The following HTRA3 variants were observed in gnomAD, a reference collection of about 807,000 sequenced individuals.
HTRA3 encodes the protein HtrA serine peptidase 3.
A neutral mutation model predicts 43.2 loss-of-function variants in HTRA3; 41 were observed. The ratio of observed to expected loss-of-function variants is 0.95; its 90% CI spans 0.74 to 1.23. The LOEUF is 1.23. HTRA3 is among the 50% of genes most tolerant of loss of function. The pLI, the probability that HTRA3 is intolerant of heterozygous loss-of-function variation, is 0.00. For missense variants in HTRA3, 628 were observed against 647.1 expected, an observed-to-expected ratio of 0.97 and a Z score of 0.32; for synonymous variants, 295 against 287.9, an observed-to-expected ratio of 1.02 and a Z score of -0.25.
Position 8,296,148 on chromosome 4 carries a change from T to C in HTRA3, c.1051+1947T>C, listed in dbSNP as rs1713445995. Reference sequence around the variant, plus strand: ...GCTGCTGTTTGCACACACTGAGCTGTGAGGTGGCTTTCCTTGGAAGTGGAT... The same window carrying C: ...GCTGCTGTTTGCACACACTGAGCTGCGAGGTGGCTTTCCTTGGAAGTGGAT... On this transcript the variant is annotated intron_variant, in intron 6 of 8. Transcript: ENST00000307358. The surrounding 1 kb of genome is among the most constrained non-coding windows in gnomAD (Gnocchi z 5.3). The C allele has an allele frequency of 2.0e-6, 2 of 992,208 alleles. No individual in the cohort carries two copies. Among genetic ancestry groups the C allele is most frequent in the South Asian group, 9.4e-5 (2 of 21,358 alleles). The allele number at this position is 992,208 out of a possible 1,614,324, so 61.5% of individuals were successfully genotyped here. A position where few individuals can be genotyped will look rare whatever the true frequency, so the allele number is the denominator to read the frequency against.
chr4:8,297,859 A>G lies in HTRA3; in HGVS notation c.1051+3658A>G, dbSNP rs956709395. ...GATGGACCCACCAATGTCCACAGGC[A>G]GTTCCCACTAAGAGCACCTGTCAAG... On this transcript the variant is annotated intron_variant, in intron 6 of 8. Transcript: ENST00000307358. This position sits in a 1 kb window ranked among gnomAD's most constrained non-coding sequence, Gnocchi z 5.8. Among the ~76,000 whole-genome samples, 1 of 152,084 alleles carries G rather than the reference A, an allele frequency of 6.6e-6. No individual in the cohort carries two copies. Among genetic ancestry groups the G allele is most frequent in the African/African-American group, 2.4e-5 (1 of 41,404 alleles).
In HTRA3 at chr4:8,294,112, C is replaced by T. The variant is rs151074010; in HGVS notation, c.962C>T (p.Thr321Met). 5.6e-4 allele frequency: 905 copies of T among 1,611,670 alleles called. No individual in the cohort carries two copies. The highest frequency in any genetic ancestry group is 6.9e-4 in the Non-Finnish European group (816 of 1,178,896). Residue 321 changes from threonine (T) to methionine (M), a missense_variant, in exon 6 of 9, where the codon ACG becomes ATG. Transcript: ENST00000307358. The part of the protein sequence containing the change: ...NLDGEVIGIN[T>M]LKVTAGISFA... ...GATGGCGAGGTCATTGGCATCAACA[C>T]GCTCAAGGTCACGGCTGGCATCTCC... is the stretch of plus-strand genomic sequence containing the variant.
intron 2 of HTRA3, among the ~76,000 whole-genome samples, chr4:8,285,307 C>A (rs537598353): frequency 3.3e-5 from 5 of 152,328 alleles, no homozygotes; most frequent in African/African-American, 1.2e-4. Flanking sequence ...TTGCAGGGTG[C>A]CCATGAGCAT....
intron 1 of HTRA3, 48 bp from the exon 2 acceptor site, chr4:8,282,389 G>T: frequency 1.4e-6 from 2 of 1,440,604 alleles, no homozygotes; most frequent in Non-Finnish European, 9.6e-7. Flanking sequence ...CTGGGAGCTG[G>T]CAGCATCGTG....
rs1713417647 is a variant in HTRA3 at position 8,295,349 on chromosome 4, C to G, written c.1051+1148C>G. On this transcript the variant is annotated intron_variant, in intron 6 of 8. Coordinates refer to ENST00000307358, the MANE Select transcript of HTRA3 (RefSeq NM_053044.5). The surrounding 1 kb of genome is among the most constrained non-coding windows in gnomAD (Gnocchi z 6.9). ...CCTCCTCCAAGCCCCCATTTCCTTGCCCCCATTTCCTCACCCCATCAAAAA... is the reference window on the plus strand; with the variant it reads ...CCTCCTCCAAGCCCCCATTTCCTTGGCCCCATTTCCTCACCCCATCAAAAA... Among the ~76,000 whole-genome samples the G allele has an allele frequency of 1.3e-5, 2 of 151,882 alleles. No homozygotes were observed.
chr4:8,270,811 G>A (rs1031833428), intron 1 of HTRA3, among the ~76,000 whole-genome samples: 2 of 152,182 alleles, frequency 1.3e-5, no homozygotes, highest in African/African-American at 2.4e-5. Context: ...TGTGGGAAGG[G>A]TCAGGGTGCA....
chr4:8,293,865 A>T (rs1000608318), intron 5 of HTRA3, among the ~76,000 whole-genome samples: 1 of 152,050 alleles, frequency 6.6e-6, no homozygotes, highest in Non-Finnish European at 1.5e-5. Context: ...TTCCCTGGAA[A>T]TACTCTCCAG....
chr4:8,282,386 C>G, intron 1 of HTRA3, 51 bp from the exon 2 acceptor site: 1 of 1,412,764 alleles, frequency 7.1e-7, no homozygotes, highest in Non-Finnish European at 9.8e-7. Context: ...CCTCTGGGAG[C>G]TGGCAGCATC....
At chr4:8,272,062 G>C (rs945466163) in intron 1 of HTRA3, among the ~76,000 whole-genome samples, 13 of 152,270 alleles carry the variant, frequency 8.5e-5, no homozygotes, top group African/African-American at 3.1e-4. Flanking sequence ...GGGCCTGCCC[G>C]TTGCAGCCCA....
At chr4:8,274,765 A>G (rs569393779) in intron 1 of HTRA3, among the ~76,000 whole-genome samples, 1 of 152,358 alleles carries the variant, frequency 6.6e-6, no homozygotes, top group Admixed American at 6.5e-5. Context: ...GAGGCCATGC[A>G]GCCTCTCCTC....
rs933225641 is a variant in HTRA3, at chr4:8,295,292, G to A, written c.1051+1091G>A. ...GTAGAATATCCTCTATGCCAGGGGA[G>A]CAGAGTCCAATACCTCGTCTTTGGA... is the stretch of plus-strand genomic sequence containing the variant. On this transcript the variant is annotated intron_variant, in intron 6 of 8. Transcript: ENST00000307358. The surrounding 1 kb of genome is among the most constrained non-coding windows in gnomAD (Gnocchi z 6.9). Among the ~76,000 whole-genome samples, 6 of 152,104 alleles carry A rather than the reference G, an allele frequency of 3.9e-5. No individual in the cohort carries two copies. Among genetic ancestry groups the A allele is most frequent in the African/African-American group, 1.4e-4 (6 of 41,404 alleles).
At chr4:8,292,875 C>T (rs2153006206) in intron 5 of HTRA3, among the ~76,000 whole-genome samples, 1 of 152,310 alleles carries the variant, frequency 6.6e-6, no homozygotes, top group African/African-American at 2.4e-5. Flanking sequence ...CAGATGTGAA[C>T]AAGCCCAAGC....
intron 5 of HTRA3, among the ~76,000 whole-genome samples, chr4:8,293,223 C>T (rs1315161459): frequency 2.0e-5 from 3 of 152,140 alleles, no homozygotes; most frequent in Non-Finnish European, 2.9e-5. Flanking sequence ...GAGGCCGTGC[C>T]CTGGTTTCAA....
chr4:8,274,454 C>G (rs55800449), intron 1 of HTRA3, among the ~76,000 whole-genome samples: 1 of 152,232 alleles, frequency 6.6e-6, no homozygotes, highest in Admixed American at 6.5e-5. Flanking sequence ...CCTCCAGGCT[C>G]GAAGCCTCGC....
intron 1 of HTRA3, among the ~76,000 whole-genome samples, chr4:8,271,526 GT>G (rs1255615403): frequency 3.9e-5 from 6 of 152,212 alleles, no homozygotes; most frequent in Non-Finnish European, 2.9e-5. Flanking sequence ...CCACCGCAGG[GT>G]TTGGCGGGGA....
rs768709210 is a variant in HTRA3 at position 8,286,783 on chromosome 4, GGTGGGTGGGC to G, written c.708+9_708+18del. The G allele has an allele frequency of 2.5e-6, 4 of 1,610,960 alleles. No homozygotes were observed. The highest frequency in any genetic ancestry group is 1.7e-5 in the Admixed American group (1 of 59,966). On this transcript the variant is annotated splice_donor_variant and splice_donor_5th_base_variant and intron_variant, in intron 3 of 8. Coordinates refer to ENST00000307358, the MANE Select transcript of HTRA3 (RefSeq NM_053044.5). LOFTEE classifies it high-confidence loss of function. This position sits in a 1 kb window ranked among gnomAD's most constrained non-coding sequence, Gnocchi z 4.9. ...TTGCCACCATCAAGATCCATCCCAAGGTGGGTGGGCGTGGGTGGAGGGGCGGAAGCACCTG... is the reference window on the plus strand; with the variant it reads ...TTGCCACCATCAAGATCCATCCCAAGGTGGGTGGAGGGGCGGAAGCACCTG...
chr4:8,281,744 C>A (rs1406180911), intron 1 of HTRA3, among the ~76,000 whole-genome samples: 2 of 152,236 alleles, frequency 1.3e-5, no homozygotes, highest in Non-Finnish European at 1.5e-5. Flanking sequence ...GCAGCCACAG[C>A]CCCTACTGCT....
At chr4:8,282,263 T>A (rs1712777125) in intron 1 of HTRA3, among the ~76,000 whole-genome samples, 174 bp from the exon 2 acceptor site, 1 of 152,174 alleles carries the variant, frequency 6.6e-6, no homozygotes, top group Non-Finnish European at 1.5e-5. Context: ...CTGGTGTCAC[T>A]GCACTGCTGT....
At chr4:8,281,873 T>C (rs1457316825) in intron 1 of HTRA3, among the ~76,000 whole-genome samples, 10 of 152,304 alleles carry the variant, frequency 6.6e-5, no homozygotes, top group Admixed American at 4.6e-4. Flanking sequence ...ACTCAGAAAT[T>C]GGCAGCTCTT....
Sources: gnomAD v4.1 joint callset for allele counts (sites outside exome capture counted in the v4.1 genomes callset) on GRCh38, gnomAD v4.1.1 for gene constraint, Gnocchi (gnomAD v3.1) non-coding constraint, MANE v1.5 for transcripts, NCBI Gene and HGNC (gene_info 2026-07-23, HGNC 2026-07-21) for gene names.